The following CTNNBIP1 variants were observed in gnomAD, a reference collection of about 807,000 sequenced individuals.
The protein encoded by CTNNBIP1 is catenin beta interacting protein 1.
A neutral mutation model predicts 11.8 loss-of-function variants in CTNNBIP1; 7 were observed. The observed-to-expected ratio is 0.60, with a 90% CI of 0.34 to 1.12. The LOEUF is 1.12. Among genes scored for constraint, CTNNBIP1 ranks in the 50% most tolerant of loss-of-function variants. The pLI is 0.03. For missense variants in CTNNBIP1, 101 were observed against 113.4 expected, an observed-to-expected ratio of 0.89 and a Z score of 0.50; for synonymous variants, 58 against 43.9, an observed-to-expected ratio of 1.32 and a Z score of -1.26.
At position 9,871,966 on chromosome 1, in the gene CTNNBIP1, C is replaced by CA; in HGVS notation, c.96+2dup. On this transcript the variant is annotated splice_region_variant and intron_variant, in intron 4 of 5. Coordinates refer to ENST00000377263, the MANE Select transcript of CTNNBIP1 (RefSeq NM_020248.3). The surrounding 1 kb of genome is among the most constrained non-coding windows in gnomAD (Gnocchi z 5.2). ...CGCTGCCTGACACCCCACAGGCACTCACGTTTGATCCCATCTTCCGCAGCA... is the reference window on the plus strand; with the variant it reads ...CGCTGCCTGACACCCCACAGGCACTCAACGTTTGATCCCATCTTCCGCAGCA... 1 of 1,613,820 alleles carries CA rather than the reference C, an allele frequency of 6.2e-7. No homozygotes were observed. The highest frequency in any genetic ancestry group is 8.5e-7 in the Non-Finnish European group (1 of 1,179,702).
At chr1:9,853,954 G>A (rs950456044) in intron 5 of CTNNBIP1, among the ~76,000 whole-genome samples, 2 of 152,200 alleles carry the variant, frequency 1.3e-5, no homozygotes, top group Non-Finnish European at 2.9e-5. Context: ...CTGACCAGGT[G>A]AGATTTATCC....
Position 9,871,584 on chromosome 1 carries a change from C to G in CTNNBIP1, c.97-307G>C, listed in dbSNP as rs151308766. 2.4e-4 allele frequency among the ~76,000 whole-genome samples: 37 copies of G among 152,192 alleles called. No homozygotes were observed. Among genetic ancestry groups the G allele is most frequent in the African/African-American group, 8.9e-4 (37 of 41,448 alleles). ...GGCTGAGGGGCGATTCCATGTCCCT[C>G]CACTCTTTTTGAGAAATACCCCTGC... On this transcript the variant is annotated intron_variant, in intron 4 of 5. Transcript: ENST00000377263. This position sits in a 1 kb window ranked among gnomAD's most constrained non-coding sequence, Gnocchi z 5.2.
At chr1:9,856,870 T>TC (rs1638512687) in intron 5 of CTNNBIP1, among the ~76,000 whole-genome samples, 1 of 151,916 alleles carries the variant, frequency 6.6e-6, no homozygotes, top group Non-Finnish European at 1.5e-5. Context: ...ACGCCTGTAA[T>TC]TCCAGCATTT....
chr1:9,853,583 A>C (rs1638436386), intron 5 of CTNNBIP1, among the ~76,000 whole-genome samples: 1 of 152,212 alleles, frequency 6.6e-6, no homozygotes, highest in Admixed American at 6.5e-5. Context: ...CTGGATGCAC[A>C]GCAAAGAGGG....
At chr1:9,858,256 G>A (rs1638549626) in intron 5 of CTNNBIP1, among the ~76,000 whole-genome samples, 1 of 152,092 alleles carries the variant, frequency 6.6e-6, no homozygotes, top group Non-Finnish European at 1.5e-5. Context: ...CTGCCAGGGG[G>A]AAGTTGTTAG....
intron 1 of CTNNBIP1, among the ~76,000 whole-genome samples, chr1:9,908,434 C>T (rs1639664207): frequency 7.2e-6 from 1 of 139,396 alleles, no homozygotes; most frequent in Non-Finnish European, 1.5e-5. Flanking sequence ...AGTGCAGTGG[C>T]GTGACCTCGG....
At chr1:9,858,556 T>C (rs751386181) in intron 5 of CTNNBIP1, among the ~76,000 whole-genome samples, 11 of 152,276 alleles carry the variant, frequency 7.2e-5, no homozygotes, top group Middle Eastern at 3.4e-3. Context: ...GTTTATCCCA[T>C]GGTTCTTGCA....
Position 9,910,171 on chromosome 1 carries a change from T to G in CTNNBIP1, c.-220A>C, listed in dbSNP as rs2101558237. Reference sequence around the variant, plus strand: ...GCGCGCGGCGGCCTGTTCCGGGGCGTGCTCAGCCCGAGCAGCCGCTGCGGC... The same window carrying G: ...GCGCGCGGCGGCCTGTTCCGGGGCGGGCTCAGCCCGAGCAGCCGCTGCGGC... On this transcript the variant is annotated 5_prime_UTR_variant, in exon 1 of 6. Transcript: ENST00000377263. 1 of 146,908 alleles carries G rather than the reference T, an allele frequency of 6.8e-6. No individual in the cohort carries two copies. The highest frequency in any genetic ancestry group is 2.4e-5 in the African/African-American group (1 of 40,958). The allele number at this position is 146,908 out of a possible 1,614,324, so 9.1% of individuals were successfully genotyped here. A position where few individuals can be genotyped will look rare whatever the true frequency, so the allele number is the denominator to read the frequency against.
At chr1:9,906,890 C>T (rs146393571) in intron 1 of CTNNBIP1, among the ~76,000 whole-genome samples, 10 of 152,214 alleles carry the variant, frequency 6.6e-5, no homozygotes, top group Middle Eastern at 3.4e-3. Context: ...ACACTGTGGA[C>T]GATGCAAAGA....
chr1:9,871,859 G>A lies in CTNNBIP1; in HGVS notation c.96+110C>T. On this transcript the variant is annotated intron_variant, in intron 4 of 5. Coordinates refer to ENST00000377263, the MANE Select transcript of CTNNBIP1 (RefSeq NM_020248.3). The surrounding 1 kb of genome is among the most constrained non-coding windows in gnomAD (Gnocchi z 5.2). ...GCCCAGCGGCCCCTCCTCAGCCCGT[G>A]GCTCCGCAGGAGGCAGCCGCAGTGG... The A allele has an allele frequency of 2.2e-6, 2 of 898,542 alleles. No homozygotes were observed. Among genetic ancestry groups the A allele is most frequent in the Non-Finnish European group, 3.6e-6 (2 of 560,014 alleles). 55.7% of individuals were successfully genotyped at this position (898,542 alleles called of 1,614,324 possible). A position where few individuals can be genotyped will look rare whatever the true frequency, so the allele number is the denominator to read the frequency against.
At chr1:9,865,477 G>A (rs1007221441) in intron 5 of CTNNBIP1, among the ~76,000 whole-genome samples, 1 of 151,722 alleles carries the variant, frequency 6.6e-6, no homozygotes, top group Admixed American at 6.6e-5. Flanking sequence ...GGTGGCGGGC[G>A]CCTGTAGTCC....
rs541450704 is a variant in CTNNBIP1, at chr1:9,883,010, A to C, written c.-110+695T>G. On this transcript the variant is annotated intron_variant, in intron 2 of 5. Transcript: ENST00000377263. This position sits in a 1 kb window ranked among gnomAD's most constrained non-coding sequence, Gnocchi z 5.6. ...GAGAATGGGGGGCCTCAGGAAGAAA[A>C]CACGTGCAAGCACGGGTGGGGCAGC... is the stretch of plus-strand genomic sequence containing the variant. Among the ~76,000 whole-genome samples, 2 of 152,208 alleles carry C rather than the reference A, an allele frequency of 1.3e-5. No homozygotes were observed. Among genetic ancestry groups the C allele is most frequent in the South Asian group, 4.1e-4 (2 of 4,822 alleles).
In CTNNBIP1 at chr1:9,851,991, C is replaced by T. The variant is rs1385958424; in HGVS notation, c.188-1215G>A. 3.9e-5 allele frequency among the ~76,000 whole-genome samples: 6 copies of T among 152,174 alleles called. No homozygotes were observed. Among genetic ancestry groups the T allele is most frequent in the Non-Finnish European group, 5.9e-5 (4 of 68,042 alleles). On this transcript the variant is annotated intron_variant, in intron 5 of 5. Coordinates refer to ENST00000377263, the MANE Select transcript of CTNNBIP1 (RefSeq NM_020248.3). The surrounding 1 kb of genome is among the most constrained non-coding windows in gnomAD (Gnocchi z 4.8). ...TTTGCCCCGAAAAGTACCAGTCTGG[C>T]TGCCCATGGTCTTTCTGACATGTTG...
At chr1:9,894,494 TAG>T (rs1639369136) in intron 1 of CTNNBIP1, among the ~76,000 whole-genome samples, 1 of 150,740 alleles carries the variant, frequency 6.6e-6, no homozygotes, top group African/African-American at 2.4e-5. Context: ...TAGCTAGGAT[TAG>T]AGGTGTGCAC....
In CTNNBIP1 at chr1:9,851,118, C is replaced by G. The variant is rs540348294; in HGVS notation, c.188-342G>C. On this transcript the variant is annotated intron_variant, in intron 5 of 5. Transcript: ENST00000377263. The surrounding 1 kb of genome is among the most constrained non-coding windows in gnomAD (Gnocchi z 4.8). ...CTCACAGCCCTTGCTCCAGAGTTAC[C>G]AAAGCCAGAGGCGGGGTGGCCCTTG... is the stretch of plus-strand genomic sequence containing the variant. 6.6e-6 allele frequency among the ~76,000 whole-genome samples: 1 copy of G among 152,320 alleles called. No homozygotes were observed. The highest frequency in any genetic ancestry group is 2.4e-5 in the African/African-American group (1 of 41,572).
At chr1:9,907,667 A>G (rs1639643723) in intron 1 of CTNNBIP1, among the ~76,000 whole-genome samples, 1 of 152,082 alleles carries the variant, frequency 6.6e-6, no homozygotes, top group South Asian at 2.1e-4. Flanking sequence ...AAACCCACAA[A>G]CCCTCTCCAA....
At chr1:9,889,555 C>T (rs1303424638) in intron 1 of CTNNBIP1, among the ~76,000 whole-genome samples, 1 of 152,186 alleles carries the variant, frequency 6.6e-6, no homozygotes, top group Non-Finnish European at 1.5e-5. Flanking sequence ...CCAAGCCTCA[C>T]AGATGTTCTC....
chr1:9,869,353 T>A (rs1473214412), intron 5 of CTNNBIP1, among the ~76,000 whole-genome samples: 1 of 151,720 alleles, frequency 6.6e-6, no homozygotes, highest in African/African-American at 2.4e-5. Context: ...TGTATGTGTG[T>A]TGTTGCTGGG....
intron 1 of CTNNBIP1, among the ~76,000 whole-genome samples, chr1:9,906,024 C>T (rs1394985964): frequency 6.6e-6 from 1 of 152,100 alleles, no homozygotes; most frequent in African/African-American, 2.4e-5. Flanking sequence ...TAAAAAAAGG[C>T]GAAATAATGG....
Sources: gnomAD v4.1 joint callset for allele counts (sites outside exome capture counted in the v4.1 genomes callset) on GRCh38, gnomAD v4.1.1 for gene constraint, Gnocchi (gnomAD v3.1) non-coding constraint, MANE v1.5 for transcripts, NCBI Gene and HGNC (gene_info 2026-07-23, HGNC 2026-07-21) for gene names.